The following CRACD variants were observed in gnomAD, a reference collection of about 807,000 sequenced individuals.
The protein encoded by CRACD is capping protein inhibiting regulator of actin dynamics.
In CRACD, 56 loss-of-function variants were observed where a neutral mutation model predicts 106.8. That is an observed-to-expected ratio of 0.52 (90% CI 0.42 to 0.66). CRACD has a LOEUF of 0.66. Ranked by LOEUF, CRACD falls within the 30% of genes least tolerant of loss-of-function variation. The probability of loss-of-function intolerance (pLI) is 0.00; values close to 1 mark genes in which losing one functional copy is unlikely to be tolerated. For synonymous variants in CRACD, 754 were observed against 670.8 expected (o/e 1.12, Z -1.92); for missense variants, 1,730 against 1,623.2 (o/e 1.07, Z -1.13).
chr4:56,243,360 G>GGAA (rs1268095896), intron 2 of CRACD, among the ~76,000 whole-genome samples: 3 of 152,160 alleles, frequency 2.0e-5, no homozygotes, highest in African/African-American at 7.2e-5. Flanking sequence ...CAACAAAATA[G>GGAA]GAAGAATAGA....
At chr4:56,276,430 G>A (rs1477272424) in intron 3 of CRACD, among the ~76,000 whole-genome samples, 4 of 152,002 alleles carry the variant, frequency 2.6e-5, no homozygotes, top group African/African-American at 4.8e-5. Context: ...TCCTTTGACC[G>A]TAGACCCTTT....
At chr4:56,229,414 G>A (rs1392217330) in intron 2 of CRACD, among the ~76,000 whole-genome samples, 1 of 152,132 alleles carries the variant, frequency 6.6e-6, no homozygotes, top group African/African-American at 2.4e-5. Context: ...TGAGGAACAG[G>A]GCTTTCGCCA....
intron 1 of CRACD, among the ~76,000 whole-genome samples, chr4:56,178,710 G>A (rs187864226): frequency 1.3e-5 from 2 of 152,142 alleles, no homozygotes; most frequent in African/African-American, 2.4e-5. Flanking sequence ...GCTTTGCAAA[G>A]GGCCTGTGTT....
At chr4:56,103,300 G>A (rs1355017451) in intron 1 of CRACD, among the ~76,000 whole-genome samples, 3 of 152,208 alleles carry the variant, frequency 2.0e-5, no homozygotes, top group African/African-American at 7.2e-5. Flanking sequence ...ATAGGTAGGA[G>A]AGGAGTGAAT....
intron 3 of CRACD, among the ~76,000 whole-genome samples, chr4:56,296,426 T>C (rs1302802311): frequency 1.3e-5 from 2 of 152,124 alleles, no homozygotes; most frequent in African/African-American, 4.8e-5. Context: ...AAGTCTTTCA[T>C]TTGTAAACCT....
At chr4:56,321,160 T>A (rs1411036776) in intron 8 of CRACD, 1 of 239,858 alleles carries the variant, frequency 4.2e-6, no homozygotes, top group African/African-American at 2.3e-5. Context: ...TCTCTGAGGT[T>A]CTGCAGGCAG....
intron 2 of CRACD, among the ~76,000 whole-genome samples, chr4:56,181,958 G>C (rs781133378): frequency 1.3e-5 from 2 of 151,990 alleles, no homozygotes; most frequent in Non-Finnish European, 2.9e-5. Flanking sequence ...TACTTTTTGG[G>C]GGATACAATT....
At chr4:56,321,574 G>C (rs1185097458) in intron 8 of CRACD, among the ~76,000 whole-genome samples, 1 of 152,104 alleles carries the variant, frequency 6.6e-6, no homozygotes, top group Non-Finnish European at 1.5e-5. Context: ...TTGGCAACTT[G>C]GTTTTTAGAA....
intron 1 of CRACD, among the ~76,000 whole-genome samples, chr4:56,114,154 G>T (rs895116559): frequency 2.0e-5 from 3 of 151,676 alleles, no homozygotes; most frequent in Admixed American, 2.0e-4. Flanking sequence ...TGTTGCCATG[G>T]ATTTAGGCTC....
intron 3 of CRACD, among the ~76,000 whole-genome samples, chr4:56,284,369 A>C (rs941761373): frequency 1.3e-5 from 2 of 151,948 alleles, no homozygotes; most frequent in Non-Finnish European, 2.9e-5. Flanking sequence ...CAAAGATAAT[A>C]GATGTGATCC....
At chr4:56,289,545 C>T (rs180985882) in intron 3 of CRACD, among the ~76,000 whole-genome samples, 15 of 152,104 alleles carry the variant, frequency 9.9e-5, no homozygotes, top group South Asian at 8.3e-4. Flanking sequence ...CGGTGGTGCA[C>T]GCCTGTATTT....
intron 1 of CRACD, among the ~76,000 whole-genome samples, chr4:56,132,583 C>A (rs751476918): frequency 4.6e-5 from 7 of 152,112 alleles, no homozygotes; most frequent in Non-Finnish European, 1.0e-4. Flanking sequence ...AAGTGATCTG[C>A]CTGCCTTGAC....
At chr4:56,250,303 C>T (rs375110239) in intron 2 of CRACD, among the ~76,000 whole-genome samples, 1 of 152,046 alleles carries the variant, frequency 6.6e-6, no homozygotes, top group East Asian at 1.9e-4. Context: ...TCACTGGTAT[C>T]TAATAAAACA....
intron 1 of CRACD, among the ~76,000 whole-genome samples, chr4:56,146,063 C>T (rs900386260): frequency 2.0e-5 from 3 of 152,014 alleles, no homozygotes; most frequent in Admixed American, 6.6e-5. Context: ...CTGCATATAC[C>T]GTTGACTTCA....
chr4:56,293,394 A>G (rs10029900), intron 3 of CRACD, among the ~76,000 whole-genome samples: 185 of 152,364 alleles, frequency 1.2e-3, no homozygotes, highest in African/African-American at 4.3e-3. Context: ...ACACCCTGCT[A>G]CACCAGAGTA....
intron 2 of CRACD, among the ~76,000 whole-genome samples, chr4:56,241,033 G>A (rs936853476): frequency 1.3e-5 from 2 of 152,138 alleles, no homozygotes; most frequent in South Asian, 2.1e-4. Context: ...AGCTCAGAGC[G>A]TTATCAGCTG....
intron 2 of CRACD, among the ~76,000 whole-genome samples, chr4:56,271,339 A>G (rs576384523): frequency 2.6e-5 from 4 of 152,330 alleles, no homozygotes; most frequent in African/African-American, 9.6e-5. Flanking sequence ...CAGCAAGCCT[A>G]GTTCCTGACT....
intron 2 of CRACD, among the ~76,000 whole-genome samples, chr4:56,209,638 A>G (rs1323871624): frequency 6.6e-6 from 1 of 152,172 alleles, no homozygotes; most frequent in Admixed American, 6.5e-5. Context: ...AGACGTAAAT[A>G]TATTTAGCTT....
intron 1 of CRACD, among the ~76,000 whole-genome samples, chr4:56,149,379 A>C (rs1735508149): frequency 6.6e-6 from 1 of 152,174 alleles, no homozygotes; most frequent in Admixed American, 6.6e-5. Context: ...CCTTTCATGA[A>C]GAAAGATAAA....
Sources: gnomAD v4.1 joint callset for allele counts (sites outside exome capture counted in the v4.1 genomes callset) on GRCh38, gnomAD v4.1.1 for gene constraint, MANE v1.5 for transcripts, NCBI Gene and HGNC (gene_info 2026-07-23, HGNC 2026-07-21) for gene names.